Variants in PDE6A observed in about 807,000 individuals in gnomAD.
PDE6A encodes the protein phosphodiesterase 6A.
Under a neutral mutation model 106.3 loss-of-function variants are expected in PDE6A, and 84 were observed. That is an observed-to-expected ratio of 0.79 (90% confidence interval 0.66 to 0.95). The LOEUF is 0.95. PDE6A is among the 40% of genes least tolerant of loss of function. The pLI is 0.00. For synonymous variants in PDE6A, 394 were observed against 386.6 expected, an observed-to-expected ratio of 1.02 and a Z score of -0.23; for missense variants, 1,052 against 1,084.9, an observed-to-expected ratio of 0.97 and a Z score of 0.43.
In PDE6A at chr5:149,879,900, A is replaced by G. The variant is rs112691615; in HGVS notation, c.2135+3529T>C. On this transcript the variant is annotated intron_variant, in intron 17 of 21. Transcript: ENST00000255266. Reference sequence around the variant, plus strand: ...TCTGGAGTTTATTTTGGTATAAGGAATGAGATAGAGATCTAACTTCATGGC... The same window carrying G: ...TCTGGAGTTTATTTTGGTATAAGGAGTGAGATAGAGATCTAACTTCATGGC... Among the ~76,000 whole-genome samples the G allele has an allele frequency of 1.9e-4, 29 of 152,212 alleles. 1 individual carries two copies. Among genetic ancestry groups the G allele is most frequent in the African/African-American group, 7.0e-4 (29 of 41,538 alleles).
chr5:149,917,164 G>T (rs1203364391), intron 5 of PDE6A, among the ~76,000 whole-genome samples: 2 of 151,404 alleles, frequency 1.3e-5, no homozygotes, highest in Admixed American at 6.6e-5. Context: ...GTTTTTCTAG[G>T]AATATATTTT....
At chr5:149,907,749 C>CCATGTGCT (rs1234142633) in intron 6 of PDE6A, among the ~76,000 whole-genome samples, 2 of 152,184 alleles carry the variant, frequency 1.3e-5, no homozygotes, top group Admixed American at 1.3e-4. Context: ...AGAATTCCTA[C>CCATGTGCT]CATGTGCTAA....
Position 149,903,640 on chromosome 5 carries a change from T to C in PDE6A, c.1113+8A>G. The C allele has an allele frequency of 5.0e-6, 8 of 1,610,506 alleles. No homozygotes were observed. The highest frequency in any genetic ancestry group is 6.8e-6 in the Non-Finnish European group (8 of 1,176,728). On this transcript the variant is annotated splice_region_variant and intron_variant, in intron 8 of 21. Transcript: ENST00000255266. Reference sequence around the variant, plus strand: ...TATGACTAAGACTGCAAATAAAAAATGACTTACCTGAAATGCAAAAAAGTC... The same window carrying C: ...TATGACTAAGACTGCAAATAAAAAACGACTTACCTGAAATGCAAAAAAGTC...
At chr5:149,934,124 A>T in intron 2 of PDE6A, 105 bp from the exon 3 acceptor site, 1 of 742,340 alleles carries the variant, frequency 1.3e-6, no homozygotes. Context: ...GCTTCATCAG[A>T]GACAATTTGG....
intron 17 of PDE6A, among the ~76,000 whole-genome samples, chr5:149,870,757 C>G (rs553211765): frequency 5.5e-4 from 49 of 89,824 alleles, no homozygotes; most frequent in African/African-American, 2.1e-3. Flanking sequence ...CATAGTCACT[C>G]AAGGAACACA....
chr5:149,932,571 T>C lies in PDE6A; in HGVS notation c.717+1359A>G, dbSNP rs1451724152. On this transcript the variant is annotated intron_variant, in intron 3 of 21. Coordinates refer to ENST00000255266, the MANE Select transcript of PDE6A (RefSeq NM_000440.3). ...TTGGAATCCCTGTTCCAGGTTGGCG[T>C]TTGGCGGTGCTACTTTTAACTTTTC... The C allele has an allele frequency of 2.6e-6, 4 of 1,536,814 alleles. No individual in the cohort carries two copies. In the African/African-American group the frequency reaches 5.5e-5, roughly 21 times the overall value.
At chr5:149,878,789 A>G (rs1281451883) in intron 17 of PDE6A, among the ~76,000 whole-genome samples, 2 of 152,230 alleles carry the variant, frequency 1.3e-5, no homozygotes, top group Non-Finnish European at 2.9e-5. Context: ...TTTTCTGGGA[A>G]CTGTCGGTTT....
At chr5:149,878,838 T>A (rs1760829930) in intron 17 of PDE6A, among the ~76,000 whole-genome samples, 1 of 152,252 alleles carries the variant, frequency 6.6e-6, no homozygotes, top group Admixed American at 6.5e-5. Flanking sequence ...AGTCTTTTCC[T>A]GGAATCATAT....
chr5:149,935,731 A>C (rs543142814), intron 1 of PDE6A, among the ~76,000 whole-genome samples: 1 of 152,208 alleles, frequency 6.6e-6, no homozygotes, highest in African/African-American at 2.4e-5. Context: ...CTTTCTGTTT[A>C]TTGGTAGCAC....
chr5:149,872,780 A>AT (rs1760609238), intron 17 of PDE6A, among the ~76,000 whole-genome samples: 1 of 152,180 alleles, frequency 6.6e-6, no homozygotes, highest in African/African-American at 2.4e-5. Context: ...TGCTCCACAA[A>AT]TGCCTGCGTG....
intron 4 of PDE6A, among the ~76,000 whole-genome samples, chr5:149,929,556 G>A (rs1442362903): frequency 2.6e-5 from 4 of 151,906 alleles, no homozygotes; most frequent in Non-Finnish European, 4.4e-5. Context: ...GCAGTGAGCC[G>A]AGATTGCGCC....
intron 17 of PDE6A, among the ~76,000 whole-genome samples, chr5:149,879,314 C>T (rs573520250): frequency 5.9e-5 from 9 of 152,264 alleles, no homozygotes; most frequent in South Asian, 4.2e-4. Context: ...TCAGGTGATC[C>T]GCCTGCCTCA....
rs538512674 is a variant in PDE6A at position 149,887,754 on chromosome 5, T to C, written c.1729-1380A>G. ...AAGTCCAAGAAACACCACAATGGCATCCCACCGAGACAAAAGCAAAACCGC... is the reference window on the plus strand; with the variant it reads ...AAGTCCAAGAAACACCACAATGGCACCCCACCGAGACAAAAGCAAAACCGC... On this transcript the variant is annotated intron_variant, in intron 13 of 21. Transcript: ENST00000255266. Among the ~76,000 whole-genome samples the C allele has an allele frequency of 1.6e-4, 18 of 110,726 alleles. 1 individual carries two copies. In the East Asian group the frequency reaches 4.3e-3, roughly 26 times the overall value. The allele number at this position is 110,726 out of a possible 152,430, so 72.6% of individuals were successfully genotyped here.
intron 9 of PDE6A, among the ~76,000 whole-genome samples, chr5:149,898,795 G>A (rs1162975665): frequency 6.6e-6 from 1 of 152,176 alleles, no homozygotes; most frequent in Non-Finnish European, 1.5e-5. Flanking sequence ...ATCTAGGAAC[G>A]CTGTACTTTT....
chr5:149,920,979 A>AAAGAAAGG (rs1554091253), intron 5 of PDE6A, among the ~76,000 whole-genome samples: 1 of 133,038 alleles, frequency 7.5e-6, no homozygotes, highest in Non-Finnish European at 1.5e-5. Context: ...AGAAAGAAAG[A>AAAGAAAGG]AAGAAAGAAA....
intron 8 of PDE6A, among the ~76,000 whole-genome samples, chr5:149,899,993 T>C (rs1180188327): frequency 6.6e-6 from 1 of 152,122 alleles, no homozygotes; most frequent in African/African-American, 2.4e-5. Flanking sequence ...GCCTCAATTT[T>C]CTCATCTATA....
chr5:149,901,497 CA>C (rs1399905976), intron 8 of PDE6A, among the ~76,000 whole-genome samples: 1 of 152,144 alleles, frequency 6.6e-6, no homozygotes, highest in Admixed American at 6.5e-5. Context: ...CACTGTACTC[CA>C]GCCTGGGCAA....
At chr5:149,932,679 T>G in intron 3 of PDE6A, 1 of 1,611,662 alleles carries the variant, frequency 6.2e-7, no homozygotes, top group Non-Finnish European at 8.5e-7. Context: ...TCAGCAGCAG[T>G]GGGAGAAGGA....
At chr5:149,875,240 G>A (rs938359286) in intron 17 of PDE6A, among the ~76,000 whole-genome samples, 7 of 152,060 alleles carry the variant, frequency 4.6e-5, no homozygotes, top group African/African-American at 1.7e-4. Flanking sequence ...GGTGCTCCTG[G>A]TGTCTAATCC....
Sources: gnomAD v4.1 joint callset for allele counts (sites outside exome capture counted in the v4.1 genomes callset) on GRCh38, gnomAD v4.1.1 for gene constraint, MANE v1.5 for transcripts, NCBI Gene and HGNC (gene_info 2026-07-23, HGNC 2026-07-21) for gene names.